The following PARD3 variants were observed in gnomAD, a reference collection of about 807,000 sequenced individuals.
PARD3 encodes the protein par-3 family cell polarity regulator.
PARD3 carries 75 observed loss-of-function variants against 155.4 expected under a neutral mutation model. The observed-to-expected ratio is 0.48, with a 90% CI of 0.40 to 0.58. PARD3 has a LOEUF of 0.58. Among genes scored for constraint, PARD3 ranks in the 20% least tolerant of loss-of-function variants. The pLI is 0.00. For synonymous variants in PARD3, 576 were observed against 610.5 expected (o/e 0.94, Z 0.83); for missense variants, 1,642 against 1,721.7 (o/e 0.95, Z 0.82).
intron 3 of PARD3, among the ~76,000 whole-genome samples, chr10:34,501,493 T>C (rs957989703): frequency 6.6e-6 from 1 of 152,184 alleles, no homozygotes; most frequent in Admixed American, 6.6e-5. Flanking sequence ...GTCCCAGGTA[T>C]TTCTTTATAG....
In PARD3 at chr10:34,413,895, T is replaced by TGCAAATGTCAAA. The variant is rs1564686552; in HGVS notation, c.715-11990_715-11979dup. Among the ~76,000 whole-genome samples, 3 of 152,248 alleles carry TGCAAATGTCAAA rather than the reference T, an allele frequency of 2.0e-5. No homozygotes were observed. In the East Asian group the frequency reaches 5.8e-4, roughly 29 times the overall value. On this transcript the variant is annotated intron_variant, in intron 5 of 24. Coordinates refer to ENST00000374788, the MANE Select transcript of PARD3 (RefSeq NM_001184785.2). ...AAACTTGTGACACTAGTAATAACAT[T>TGCAAATGTCAAA]GCAAATGTCAAAGTAGTTGAGTTAA... is the stretch of plus-strand genomic sequence containing the variant.
intron 1 of PARD3, among the ~76,000 whole-genome samples, chr10:34,710,373 G>A (rs533258995): frequency 9.2e-5 from 14 of 152,202 alleles, no homozygotes; most frequent in Admixed American, 3.3e-4. Flanking sequence ...AAATATATAC[G>A]TGCAGTTTTA....
chr10:34,740,910 C>T (rs367995788), intron 1 of PARD3, among the ~76,000 whole-genome samples: 2 of 152,170 alleles, frequency 1.3e-5, no homozygotes, highest in African/African-American at 4.8e-5. Flanking sequence ...ACTATATGAA[C>T]AATATGGTAG....
chr10:34,446,856 T>C (rs563160145), intron 5 of PARD3, among the ~76,000 whole-genome samples: 1 of 152,338 alleles, frequency 6.6e-6, no homozygotes, highest in East Asian at 1.9e-4. Context: ...CTTTATACCA[T>C]AAAACATAGG....
At chr10:34,594,129 G>T (rs1304705193) in intron 2 of PARD3, among the ~76,000 whole-genome samples, 1 of 152,130 alleles carries the variant, frequency 6.6e-6, no homozygotes, top group Non-Finnish European at 1.5e-5. Context: ...GAAAGCAAGG[G>T]TTTATTACTG....
At chr10:34,392,335 GATGTTGACACTTC>G (rs1410137624) in intron 7 of PARD3, among the ~76,000 whole-genome samples, 2 of 152,140 alleles carry the variant, frequency 1.3e-5, no homozygotes, top group Admixed American at 6.5e-5. Flanking sequence ...TTTTCCAAAG[GATGTTGACACTTC>G]ACCTGATATT....
intron 5 of PARD3, among the ~76,000 whole-genome samples, chr10:34,433,507 C>A (rs935613833): frequency 9.2e-5 from 14 of 152,158 alleles, no homozygotes; most frequent in African/African-American, 2.7e-4. Flanking sequence ...GAAAGTATTA[C>A]TGAACTGGAT....
intron 3 of PARD3, among the ~76,000 whole-genome samples, chr10:34,510,611 T>C (rs1441865634): frequency 6.6e-6 from 1 of 151,778 alleles, no homozygotes; most frequent in African/African-American, 2.4e-5. Context: ...CTATATGGAG[T>C]GGGGGAAAAA....
At chr10:34,776,417 A>G (rs1195108689) in intron 1 of PARD3, among the ~76,000 whole-genome samples, 1 of 152,166 alleles carries the variant, frequency 6.6e-6, no homozygotes, top group Non-Finnish European at 1.5e-5. Context: ...CTGGCTAGGG[A>G]GCTCAGTTTT....
intron 3 of PARD3, among the ~76,000 whole-genome samples, chr10:34,480,850 G>T: frequency 7.3e-6 from 1 of 136,576 alleles, no homozygotes; most frequent in Admixed American, 8.1e-5. Flanking sequence ...TCACCAGCCT[G>T]GAGTGCAGTG....
intron 10 of PARD3, among the ~76,000 whole-genome samples, chr10:34,375,460 T>C (rs889619358): frequency 3.6e-4 from 55 of 152,186 alleles, no homozygotes; most frequent in Non-Finnish European, 6.8e-4. Context: ...ATTTTCACTT[T>C]AAATGAAATT....
intron 3 of PARD3, among the ~76,000 whole-genome samples, chr10:34,506,516 A>G (rs1270090479): frequency 2.0e-5 from 3 of 152,138 alleles, no homozygotes; most frequent in Admixed American, 1.3e-4. Context: ...CATGAGCCCA[A>G]TGGGAGCAAA....
At chr10:34,275,139 C>T (rs1164876236) in intron 21 of PARD3, among the ~76,000 whole-genome samples, 1 of 152,126 alleles carries the variant, frequency 6.6e-6, no homozygotes, top group Non-Finnish European at 1.5e-5. Flanking sequence ...GCCTAATAAA[C>T]GTTAAAGCCC....
At chr10:34,261,731 AG>A (rs1242506023) in intron 22 of PARD3, among the ~76,000 whole-genome samples, 2 of 147,786 alleles carry the variant, frequency 1.4e-5, no homozygotes, top group African/African-American at 5.1e-5. Context: ...GAAGAAAGGA[AG>A]GAAGAAAGGA....
chr10:34,459,058 T>C (rs1257311445), intron 4 of PARD3, among the ~76,000 whole-genome samples: 3 of 152,256 alleles, frequency 2.0e-5, no homozygotes, highest in Non-Finnish European at 4.4e-5. Flanking sequence ...GGAGCAACAT[T>C]TGACTAAAAG....
At position 34,735,168 on chromosome 10, in the gene PARD3, TAGTA is replaced by T. The variant is rs1300079837; in HGVS notation, c.121-38753_121-38750del. ...AACAGAAAATAATAAGTAGATAACC[TAGTA>T]TTCACGAGAGAGATCAATTATCTTT... On this transcript the variant is annotated intron_variant, in intron 1 of 24. Coordinates refer to ENST00000374788, the MANE Select transcript of PARD3 (RefSeq NM_001184785.2). 4.6e-5 allele frequency among the ~76,000 whole-genome samples: 7 copies of T among 152,270 alleles called. No homozygotes were observed. In the East Asian group the frequency reaches 9.6e-4, roughly 21 times the overall value.
chr10:34,776,833 T>TTTTGGGGGGGGGGGG (rs1564608800), intron 1 of PARD3, among the ~76,000 whole-genome samples: 1 of 9,908 alleles, frequency 1.0e-4, no homozygotes, highest in African/African-American at 2.9e-4. Flanking sequence ...CGTGTTTTTT[T>TTTTGGGGGGGGGGGG]GTGGGGGGGG....
At chr10:34,197,112 T>C (rs1057161438) in intron 22 of PARD3, among the ~76,000 whole-genome samples, 4 of 152,128 alleles carry the variant, frequency 2.6e-5, no homozygotes, top group Non-Finnish European at 1.5e-5. Context: ...ATATGAAGAA[T>C]GCAGGGTCTT....
chr10:34,485,765 G>C (rs376138363), intron 3 of PARD3, among the ~76,000 whole-genome samples: 2 of 152,088 alleles, frequency 1.3e-5, no homozygotes, highest in African/African-American at 2.4e-5. Flanking sequence ...CAGACTCCTT[G>C]CGAGAGAGAT....
Sources: gnomAD v4.1 joint callset for allele counts (sites outside exome capture counted in the v4.1 genomes callset) on GRCh38, gnomAD v4.1.1 for gene constraint, MANE v1.5 for transcripts, NCBI Gene and HGNC (gene_info 2026-07-23, HGNC 2026-07-21) for gene names.